CPQ: variants seen among roughly 807,000 people sequenced by gnomAD.
CPQ encodes carboxypeptidase Q.
A neutral mutation model predicts 45.7 loss-of-function variants in CPQ; 37 were observed. The ratio of observed to expected loss-of-function variants is 0.81; its 90% CI spans 0.62 to 1.07. CPQ has a LOEUF of 1.07. CPQ is among the 50% of genes least tolerant of loss of function. CPQ has a pLI of 0.00. For missense variants in CPQ, 537 were observed against 572.9 expected (o/e 0.94, Z 0.64); for synonymous variants, 186 against 205.8 (o/e 0.90, Z 0.82).
chr8:96,836,714 T>G lies in CPQ; in HGVS notation c.641+1534T>G, dbSNP rs545649572. ...GAAACTGGGTGATTGCCAGAAACCT[T>G]TATTTAAGAACTACTACTCATAAGA... is the stretch of plus-strand genomic sequence containing the variant. On this transcript the variant is annotated intron_variant, in intron 3 of 7. Transcript: ENST00000220763. Among the ~76,000 whole-genome samples, 97 of 152,280 alleles carry G rather than the reference T, an allele frequency of 6.4e-4. 2 individuals are homozygous for G. The highest frequency in any genetic ancestry group is 2.9e-3 in the Admixed American group (45 of 15,298).
intron 5 of CPQ, among the ~76,000 whole-genome samples, chr8:96,969,550 C>T (rs1329070388): frequency 6.6e-6 from 1 of 151,534 alleles, no homozygotes; most frequent in Non-Finnish European, 1.5e-5. Flanking sequence ...GTTATTTGAA[C>T]TTTCTTTCAT....
intron 4 of CPQ, among the ~76,000 whole-genome samples, chr8:96,926,957 C>A (rs1214113861): frequency 6.6e-6 from 1 of 152,038 alleles, no homozygotes; most frequent in African/African-American, 2.4e-5. Context: ...ATTAAGCTGC[C>A]ACATTTCTGA....
intron 7 of CPQ, among the ~76,000 whole-genome samples, chr8:97,120,113 A>G (rs1398332972): frequency 3.3e-5 from 5 of 152,240 alleles, no homozygotes; most frequent in Non-Finnish European, 5.9e-5. Context: ...TCTAACACGT[A>G]TAAATATTAG....
intron 4 of CPQ, among the ~76,000 whole-genome samples, chr8:96,882,933 C>T (rs779927704): frequency 1.4e-4 from 22 of 152,084 alleles, no homozygotes; most frequent in Admixed American, 6.5e-4. Flanking sequence ...AGTCCATCTC[C>T]GACTCTACCA....
At position 96,835,125 on chromosome 8, in the gene CPQ, A is replaced by G; in HGVS notation, c.586A>G (p.Lys196Glu). The G allele has an allele frequency of 6.3e-7, 1 of 1,589,954 alleles. No homozygotes were observed. The highest frequency in any genetic ancestry group is 8.6e-7 in the Non-Finnish European group (1 of 1,166,586). The change falls in exon 3 of 8, where the codon AAG (lysine) becomes GAG (glutamate). Residue 196 changes from lysine (K) to glutamate (E), a missense_variant. Coordinates refer to ENST00000220763, the MANE Select transcript of CPQ (RefSeq NM_016134.4). ...AACGCAGGGGGCGGTGGAAGCTGCC[A>G]AGGTGGGGGCTTTGGCATCTCTCAT... ...YRTQGAVEAA[K>E]VGALASLIRS...
intron 5 of CPQ, among the ~76,000 whole-genome samples, chr8:96,983,673 T>C (rs1351764173): frequency 6.6e-6 from 1 of 152,164 alleles, no homozygotes; most frequent in Non-Finnish European, 1.5e-5. Flanking sequence ...TATAAATTTC[T>C]CCTTTAATTT....
At chr8:96,739,018 T>C (rs1327769451) in intron 1 of CPQ, among the ~76,000 whole-genome samples, 2 of 151,528 alleles carry the variant, frequency 1.3e-5, no homozygotes, top group South Asian at 4.2e-4. Flanking sequence ...TAGTTCTAGA[T>C]CCCTGAGGAA....
intron 3 of CPQ, among the ~76,000 whole-genome samples, chr8:96,855,993 G>C (rs1294347601): frequency 1.3e-5 from 2 of 152,172 alleles, no homozygotes; most frequent in African/African-American, 2.4e-5. Flanking sequence ...GGCCAGTTCT[G>C]GGACTGAAAG....
intron 1 of CPQ, among the ~76,000 whole-genome samples, chr8:96,684,664 G>A (rs7837395): frequency 0.024 from 3,694 of 152,240 alleles, 166 homozygotes; most frequent in African/African-American, 0.084. Flanking sequence ...GGTGCCAGTG[G>A]CAGCAAGAGG....
At chr8:96,928,430 G>A (rs1586455635) in intron 4 of CPQ, among the ~76,000 whole-genome samples, 2 of 150,852 alleles carry the variant, frequency 1.3e-5, no homozygotes, top group Non-Finnish European at 2.9e-5. Flanking sequence ...TATAAATGAG[G>A]GGACTGCATG....
intron 1 of CPQ, among the ~76,000 whole-genome samples, chr8:96,773,842 A>G (rs922804244): frequency 1.3e-5 from 2 of 152,100 alleles, no homozygotes; most frequent in African/African-American, 4.8e-5. Context: ...CATGGAAGGG[A>G]CAGAAGAGCA....
chr8:96,829,848 T>C (rs1446829278), intron 2 of CPQ, among the ~76,000 whole-genome samples: 1 of 152,154 alleles, frequency 6.6e-6, no homozygotes, highest in Non-Finnish European at 1.5e-5. Context: ...TCCTTAAGGA[T>C]AGTACTGGAA....
intron 5 of CPQ, among the ~76,000 whole-genome samples, chr8:96,974,802 A>G (rs1244814938): frequency 6.6e-6 from 1 of 152,130 alleles, no homozygotes; most frequent in African/African-American, 2.4e-5. Context: ...AAATTTAAAA[A>G]TTTTTTGAAC....
At chr8:96,954,595 T>A (rs970053527) in intron 4 of CPQ, among the ~76,000 whole-genome samples, 7 of 152,140 alleles carry the variant, frequency 4.6e-5, no homozygotes, top group African/African-American at 1.7e-4. Flanking sequence ...TTCTGTTATT[T>A]TTTTTATTTA....
intron 3 of CPQ, among the ~76,000 whole-genome samples, chr8:96,864,757 G>A (rs4629833): frequency 0.47 from 71,744 of 151,398 alleles, 17,578 homozygotes; most frequent in South Asian, 0.65. Context: ...TCTACTTGTT[G>A]TCTGTATTTT....
chr8:97,111,776 C>G (rs147215204), intron 7 of CPQ, among the ~76,000 whole-genome samples: 1 of 152,304 alleles, frequency 6.6e-6, no homozygotes, highest in African/African-American at 2.4e-5. Flanking sequence ...AAACATTCAG[C>G]TTAAATTTGG....
At chr8:97,110,904 C>T (rs990589625) in intron 7 of CPQ, among the ~76,000 whole-genome samples, 7 of 152,192 alleles carry the variant, frequency 4.6e-5, no homozygotes, top group African/African-American at 1.7e-4. Flanking sequence ...CAGTGTATTA[C>T]AGTATTGCAG....
At chr8:97,080,484 A>C (rs13438930) in intron 7 of CPQ, among the ~76,000 whole-genome samples, 18,213 of 152,256 alleles carry the variant, frequency 0.12, 1,844 homozygotes, top group African/African-American at 0.27. Flanking sequence ...AAACTGAGTT[A>C]AAATTGGGTA....
At chr8:96,766,474 C>T (rs538192782) in intron 1 of CPQ, among the ~76,000 whole-genome samples, 1 of 152,226 alleles carries the variant, frequency 6.6e-6, no homozygotes, top group South Asian at 2.1e-4. Flanking sequence ...TGAGCAACTG[C>T]TGGAGGCGTT....
Sources: allele counts gnomAD v4.1 joint callset (sites outside exome capture counted in the v4.1 genomes callset), GRCh38; gene constraint gnomAD v4.1.1; transcripts MANE v1.5; gene names NCBI Gene and HGNC (gene_info 2026-07-23, HGNC 2026-07-21).